Variants in NAALADL2 observed in about 807,000 individuals in gnomAD.
NAALADL2 encodes inactive N-acetylated-alpha-linked acidic dipeptidase-like protein 2.
Under a neutral mutation model 87.2 loss-of-function variants are expected in NAALADL2, and 76 were observed. The ratio of observed to expected loss-of-function variants is 0.87; its 90% CI spans 0.72 to 1.05. NAALADL2 has a LOEUF of 1.05. Among genes scored for constraint, NAALADL2 ranks in the 50% least tolerant of loss-of-function variants. The probability of loss-of-function intolerance (pLI) is 0.00; values close to 1 mark genes in which losing one functional copy is unlikely to be tolerated. For synonymous variants in NAALADL2, 354 were observed against 331.0 expected, an observed-to-expected ratio of 1.07 and a Z score of -0.75; for missense variants, 1,089 against 945.8, an observed-to-expected ratio of 1.15 and a Z score of -1.99.
intron 1 of NAALADL2, among the ~76,000 whole-genome samples, chr3:175,013,301 A>ATTAT (rs1750390637): frequency 1.4e-5 from 1 of 72,066 alleles, no homozygotes; most frequent in African/African-American, 5.8e-5. Context: ...ATATATATAT[A>ATTAT]TTTTTTTTTT....
intron 1 of NAALADL2, among the ~76,000 whole-genome samples, chr3:175,015,863 A>T (rs1408709962): frequency 6.6e-6 from 1 of 152,080 alleles, no homozygotes; most frequent in Non-Finnish European, 1.5e-5. Flanking sequence ...GTTTTAAAAC[A>T]CCATATCAAA....
At chr3:175,098,659 C>T (rs1018223433) in intron 2 of NAALADL2, among the ~76,000 whole-genome samples, 4 of 152,176 alleles carry the variant, frequency 2.6e-5, no homozygotes, top group Admixed American at 2.0e-4. Flanking sequence ...GAAACTCATT[C>T]TGAAGGGATC....
intron 2 of NAALADL2, among the ~76,000 whole-genome samples, chr3:175,164,535 G>T (rs185713067): frequency 1.3e-5 from 2 of 152,026 alleles, no homozygotes; most frequent in African/African-American, 2.4e-5. Flanking sequence ...TATTTAAGAA[G>T]TTCAAAAAAT....
At chr3:175,737,027 CA>C (rs1744592576) in intron 11 of NAALADL2, among the ~76,000 whole-genome samples, 1 of 152,016 alleles carries the variant, frequency 6.6e-6, no homozygotes, top group Non-Finnish European at 1.5e-5. Context: ...ACAACTCTTT[CA>C]ATTAGGGAAG....
chr3:174,997,196 C>T (rs746778198), intron 1 of NAALADL2, among the ~76,000 whole-genome samples: 103 of 151,772 alleles, frequency 6.8e-4, no homozygotes, highest in Admixed American at 1.1e-3. Flanking sequence ...GGATAGATAT[C>T]CAGTAGTGGG....
intron 4 of NAALADL2, 65 bp from the exon 5 acceptor site, chr3:175,324,110 A>C (rs1760371324): frequency 7.5e-7 from 1 of 1,334,124 alleles, no homozygotes; most frequent in Non-Finnish European, 1.0e-6. Context: ...ACATTGGCAA[A>C]ATGGCACTAT....
intron 6 of NAALADL2, among the ~76,000 whole-genome samples, chr3:175,450,793 T>C (rs1467036536): frequency 9.2e-5 from 14 of 152,154 alleles, no homozygotes; most frequent in Non-Finnish European, 1.6e-4. Flanking sequence ...GGCAAATGGA[T>C]GTTGAGAAAG....
intron 4 of NAALADL2, among the ~76,000 whole-genome samples, chr3:175,315,317 T>C (rs982042962): frequency 6.6e-6 from 1 of 152,104 alleles, no homozygotes; most frequent in African/African-American, 2.4e-5. Context: ...AGCTAAATAA[T>C]AGAGGGTGGG....
intron 2 of NAALADL2, among the ~76,000 whole-genome samples, chr3:174,558,510 A>G (rs975047001): frequency 1.6e-4 from 24 of 152,126 alleles, no homozygotes; most frequent in African/African-American, 5.3e-4. Context: ...ATGGGAGACA[A>G]TGACAGATTA....
chr3:175,772,647 A>T (rs1374006158), intron 13 of NAALADL2, among the ~76,000 whole-genome samples: 2 of 152,184 alleles, frequency 1.3e-5, no homozygotes, highest in Non-Finnish European at 2.9e-5. Context: ...CCAGTTACAC[A>T]GGGTTCCGTC....
intron 4 of NAALADL2, among the ~76,000 whole-genome samples, chr3:175,314,696 A>ATATATTTCTAAC (rs1758889727): frequency 1.1e-5 from 1 of 87,848 alleles, no homozygotes; most frequent in Non-Finnish European, 2.2e-5. Flanking sequence ...ATATATATAT[A>ATATATTTCTAAC]TATATATATA....
intron 2 of NAALADL2, among the ~76,000 whole-genome samples, chr3:175,152,049 T>C (rs1431362545): frequency 2.6e-5 from 4 of 152,214 alleles, no homozygotes; most frequent in Non-Finnish European, 5.9e-5. Flanking sequence ...TTAATAGCTG[T>C]TATCAACTGG....
chr3:174,924,063 CA>C (rs1735619356), intron 1 of NAALADL2, among the ~76,000 whole-genome samples: 1 of 152,102 alleles, frequency 6.6e-6, no homozygotes, highest in African/African-American at 2.4e-5. Context: ...TATGCTGTTA[CA>C]TGCTTTTCTT....
chr3:174,827,017 G>T (rs892814853), intron 3 of NAALADL2, among the ~76,000 whole-genome samples: 1 of 152,124 alleles, frequency 6.6e-6, no homozygotes, highest in Non-Finnish European at 1.5e-5. Flanking sequence ...TTCATGATAT[G>T]TTCATAGCCT....
intron 5 of NAALADL2, among the ~76,000 whole-genome samples, chr3:175,409,133 G>C (rs1295334489): frequency 6.6e-6 from 1 of 151,228 alleles, no homozygotes; most frequent in Non-Finnish European, 1.5e-5. Context: ...TGAACTCTAG[G>C]TGTTTCCTTT....
At chr3:175,674,566 A>G (rs1734504417) in intron 11 of NAALADL2, among the ~76,000 whole-genome samples, 2 of 152,006 alleles carry the variant, frequency 1.3e-5, no homozygotes, top group Non-Finnish European at 1.5e-5. Context: ...GCCCGGCGAC[A>G]GTTTGTTTTT....
chr3:175,403,974 G>C (rs1341821422), intron 5 of NAALADL2, among the ~76,000 whole-genome samples: 2 of 152,048 alleles, frequency 1.3e-5, no homozygotes, highest in African/African-American at 2.4e-5. Context: ...TATGAGAAAA[G>C]AGCCTATAGT....
At chr3:175,332,658 C>A (rs1381906385) in intron 5 of NAALADL2, among the ~76,000 whole-genome samples, 1 of 152,154 alleles carries the variant, frequency 6.6e-6, no homozygotes, top group African/African-American at 2.4e-5. Context: ...AACATATAGT[C>A]TTTCATGGAA....
intron 2 of NAALADL2, among the ~76,000 whole-genome samples, chr3:174,660,011 GA>G (rs1185073117): frequency 6.6e-6 from 1 of 152,110 alleles, no homozygotes; most frequent in Non-Finnish European, 1.5e-5. Flanking sequence ...ATGAATGTAA[GA>G]ATCTGAATAT....
Sources: allele counts gnomAD v4.1 joint callset (sites outside exome capture counted in the v4.1 genomes callset), GRCh38; gene constraint gnomAD v4.1.1; transcripts MANE v1.5; gene names NCBI Gene and HGNC (gene_info 2026-07-23, HGNC 2026-07-21).